The following ZNF717 variants were observed in gnomAD, a reference collection of about 807,000 sequenced individuals.
ZNF717 encodes krueppel-like factor X17.
A neutral mutation model predicts 13.8 loss-of-function variants in ZNF717; 9 were observed. The ratio of observed to expected loss-of-function variants is 0.65; its 90% CI spans 0.39 to 1.14. The LOEUF (loss-of-function observed/expected upper bound fraction) is 1.14. ZNF717 is among the 50% of genes most tolerant of loss of function. The pLI is 0.01. For synonymous variants in ZNF717, 327 were observed against 364.1 expected, an observed-to-expected ratio of 0.90 and a Z score of 1.16; for missense variants, 1,040 against 1,080.7, an observed-to-expected ratio of 0.96 and a Z score of 0.53.
At chr3:75,706,266 T>A (rs1194863928), downstream of ZNF717, among the ~76,000 whole-genome samples, 62 of 151,486 alleles carry the variant, frequency 4.1e-4, no homozygotes, top group Middle Eastern at 3.4e-3. Context: ...ACACTGACCC[T>A]GACCCCAAGA....
intron 2 of ZNF717, among the ~76,000 whole-genome samples, chr3:75,755,734 G>T (rs1052013342): frequency 1.3e-5 from 2 of 152,178 alleles, no homozygotes; most frequent in Non-Finnish European, 2.9e-5. Flanking sequence ...AAAAAAAGAA[G>T]TACATGCTAA....
rs1939636459 is a variant in ZNF717, at chr3:75,737,893, A to G, written c.1730T>C (p.Phe577Ser). 1.9e-6 allele frequency: 3 copies of G among 1,546,472 alleles called. No individual in the cohort carries two copies. The highest frequency in any genetic ancestry group is 1.7e-4 in the Middle Eastern group (1 of 5,960). Residue 577 changes from phenylalanine (F) to serine (S), a missense_variant, in exon 5 of 5, where the codon TTC (phenylalanine) becomes TCC (serine). By Grantham distance (155) the Phe-to-Ser change is radical. This residue lies in a region of ZNF717 where 873 missense variants were observed against 832.8 expected (regional missense o/e 1.05). Transcript: ENST00000652011. ...ATGAGTTCTCTGATGTATAGTTAGG[A>G]ATGACTTACAGTGAAAGGATTTTCC... ...ECGKSFHCKS[F>S]LTIHQRTHAG...
chr3:75,754,359 T>G (rs13072348), intron 2 of ZNF717, among the ~76,000 whole-genome samples: 98,919 of 146,126 alleles, frequency 0.68, 32,630 homozygotes, highest in African/African-American at 0.71. Flanking sequence ...GGCAAAAAAA[T>G]AAAAAAAAAT....
At chr3:75,775,023 GTGAT>G (rs1374821683) in intron 2 of ZNF717, among the ~76,000 whole-genome samples, 1 of 152,096 alleles carries the variant, frequency 6.6e-6, no homozygotes, top group African/African-American at 2.4e-5. Flanking sequence ...GTGCAATGGT[GTGAT>G]TGAGGCTCAC....
chr3:75,736,712 TA>T lies in ZNF717; in HGVS notation c.*165del. On this transcript the variant is annotated 3_prime_UTR_variant, in exon 5 of 5. Coordinates refer to ENST00000652011, the MANE Select transcript of ZNF717 (RefSeq NM_001290208.3). Reference sequence around the variant, plus strand: ...TGACATTAAAGTGCAAAGTGTGCTGTAAAAATGGGAACAACAAAGCCTGCAT... The same window carrying T: ...TGACATTAAAGTGCAAAGTGTGCTGTAAAATGGGAACAACAAAGCCTGCAT... 1 of 686,758 alleles carries T rather than the reference TA, an allele frequency of 1.5e-6. No homozygotes were observed. The highest frequency in any genetic ancestry group is 2.3e-6 in the Non-Finnish European group (1 of 430,352). The allele number at this position is 686,758 out of a possible 1,614,324, so 42.5% of individuals were successfully genotyped here. A position where few individuals can be genotyped will look rare whatever the true frequency, so the allele number is the denominator to read the frequency against.
intron 4 of ZNF717, among the ~76,000 whole-genome samples, chr3:75,724,192 T>C (rs1938228492): frequency 6.6e-6 from 1 of 151,978 alleles, no homozygotes; most frequent in East Asian, 1.9e-4. Context: ...CCCCTTGCCT[T>C]GTATCCAAAA....
chr3:75,767,017 CT>C (rs1343948880), intron 2 of ZNF717, among the ~76,000 whole-genome samples: 1 of 151,898 alleles, frequency 6.6e-6, no homozygotes, highest in Non-Finnish European at 1.5e-5. Context: ...ACCAATTCCC[CT>C]GAACCTTGCC....
intron 2 of ZNF717, among the ~76,000 whole-genome samples, chr3:75,767,754 CCTAA>C (rs1295754773): frequency 6.6e-6 from 1 of 152,084 alleles, no homozygotes; most frequent in Admixed American, 6.5e-5. Context: ...ACCAGCCTCC[CCTAA>C]CTGTCACTGA....
chr3:75,737,214 T>A lies in ZNF717; in HGVS notation c.2409A>T (p.Ile803=), dbSNP rs775503070. 3.2e-6 allele frequency: 5 copies of A among 1,554,012 alleles called. No individual in the cohort carries two copies. The South Asian group carries it at 5.9e-5, about 18-fold the overall frequency. Residue 803 remains isoleucine (I), a synonymous_variant, in exon 5 of 5, where the codon ATA becomes ATT. Transcript: ENST00000652011. The part of the protein sequence containing the change: ...KTFYDKTVLT[I]HQRTHTGEKP... ...TCTCACCTGTGTGAGTTCTCTGATG[T>A]ATGGTGAGAACTGTCTTATCGTAAA...
exon 6 of ZNF717, chr3:75,710,710 G>C (rs1937913501): frequency 6.6e-6 from 1 of 152,102 alleles, no homozygotes; most frequent in Non-Finnish European, 1.5e-5. Flanking sequence ...TCTAGTTTCA[G>C]CTCATAGGGC....
chr3:75,778,332 A>T (rs1944500446), intron 2 of ZNF717, among the ~76,000 whole-genome samples: 1 of 151,972 alleles, frequency 6.6e-6, no homozygotes, highest in African/African-American at 2.4e-5. Context: ...CGGAACCCAA[A>T]ACAATGGGAG....
At position 75,738,677 on chromosome 3, in the gene ZNF717, A is replaced by C. The variant is rs1575768597; in HGVS notation, c.946T>G (p.Cys316Gly). The change falls in exon 5 of 5, where the codon TGT (cysteine) becomes GGT (glycine). Residue 316 changes from cysteine to glycine, a missense_variant. By Grantham distance (159) the Cys-to-Gly change is radical. This residue lies in a region of ZNF717 where 873 missense variants were observed against 832.8 expected (regional missense o/e 1.05). Transcript: ENST00000652011. The stretch of plus-strand genomic sequence containing the variant: ...GACTTATAGCTGAACAATTTTTCAC[A>C]CCAGTTACAGGCATAAGGTTTTTCC... ...TEEKPYACNWCEKLFSYKSSL... is the reference protein window; with the variant it reads ...TEEKPYACNWGEKLFSYKSSL... 6.4e-7 allele frequency: 1 copy of C among 1,551,930 alleles called. No homozygotes were observed. Among genetic ancestry groups the C allele is most frequent in the Non-Finnish European group, 8.7e-7 (1 of 1,147,166 alleles).
At chr3:75,739,968 A>G (rs1380910169) in intron 4 of ZNF717, among the ~76,000 whole-genome samples, 3 of 152,240 alleles carry the variant, frequency 2.0e-5, no homozygotes, top group Non-Finnish European at 4.4e-5. Context: ...CTACTTAAAC[A>G]TGACATCCCC....
downstream of ZNF717, among the ~76,000 whole-genome samples, chr3:75,707,523 C>T (rs1257671274): frequency 9.2e-5 from 14 of 152,374 alleles, no homozygotes; most frequent in East Asian, 5.8e-4. Context: ...CCAGCATGAA[C>T]GACGCAGAAG....
At chr3:75,758,493 G>A (rs990977868) in intron 2 of ZNF717, among the ~76,000 whole-genome samples, 16 of 151,216 alleles carry the variant, frequency 1.1e-4, no homozygotes, top group Admixed American at 9.9e-4. Context: ...AAACTTAGTT[G>A]GTACAGCAGT....
intron 2 of ZNF717, among the ~76,000 whole-genome samples, chr3:75,747,687 T>G (rs1208078678): frequency 9.9e-4 from 151 of 152,290 alleles, no homozygotes; most frequent in African/African-American, 3.4e-3. Context: ...ATAAGAATGC[T>G]TGTGATTTTT....
intron 2 of ZNF717, among the ~76,000 whole-genome samples, chr3:75,756,158 T>C (rs1458916100): frequency 6.6e-6 from 1 of 152,278 alleles, no homozygotes; most frequent in Non-Finnish European, 1.5e-5. Context: ...GAATCTGTAA[T>C]GGTGATCTGT....
In ZNF717 at chr3:75,737,139, T is replaced by G; in HGVS notation, c.2484A>C (p.Lys828Asn). The G allele has an allele frequency of 6.4e-7, 1 of 1,563,828 alleles. No individual in the cohort carries two copies. The highest frequency in any genetic ancestry group is 8.7e-7 in the Non-Finnish European group (1 of 1,154,474). ...ECRKTFSQKSKLFVHHRTHTG... is the reference protein window; with the variant it reads ...ECRKTFSQKSNLFVHHRTHTG... ...TGTGAGTTCTGTGATGTACAAAGAG[T>G]TTTGACTTCTGGGAGAAGGTTTTCC... Residue 828 changes from lysine to asparagine, a missense_variant, in exon 5 of 5, where the codon AAA becomes AAC. This residue lies in a region of ZNF717 where 873 missense variants were observed against 832.8 expected (regional missense o/e 1.05). Transcript: ENST00000652011.
chr3:75,745,170 TTC>T (rs1941016558), intron 2 of ZNF717, among the ~76,000 whole-genome samples: 1 of 151,850 alleles, frequency 6.6e-6, no homozygotes, highest in Admixed American at 6.6e-5. Context: ...TTTTTTTTCT[TTC>T]TGTCTTTTTA....
Sources: gnomAD v4.1 joint callset for allele counts (sites outside exome capture counted in the v4.1 genomes callset) on GRCh38, gnomAD v4.1.1 for gene constraint, gnomAD v4.1.1 regional missense constraint, MANE v1.5 for transcripts, NCBI Gene and HGNC (gene_info 2026-07-23, HGNC 2026-07-21) for gene names.